The following KLK4 variants were observed in gnomAD, a reference collection of about 807,000 sequenced individuals.
KLK4 encodes kallikrein-4.
KLK4 carries 24 observed loss-of-function variants against 24.3 expected under a neutral mutation model. The observed-to-expected ratio is 0.99, with a 90% CI of 0.72 to 1.39. The LOEUF is 1.39. Ranked by LOEUF, KLK4 falls within the 40% of genes most tolerant of loss-of-function variation. The pLI, the probability that KLK4 is intolerant of heterozygous loss-of-function variation, is 0.00. For synonymous variants in KLK4, 142 were observed against 138.8 expected (o/e 1.02, Z -0.16); for missense variants, 344 against 327.4 (o/e 1.05, Z -0.39).
chr19:50,909,139 C>A, intron 3 of KLK4, 113 bp downstream of exon 3: 2 of 1,589,960 alleles, frequency 1.3e-6, no homozygotes, highest in Non-Finnish European at 1.7e-6. Flanking sequence ...CTCATTCCGT[C>A]CTCCTCCCAG....
At chr19:50,906,697 CTGGG>C in exon 6 of KLK4, 1 of 265,572 alleles carries the variant, frequency 3.8e-6, no homozygotes, top group Non-Finnish European at 6.8e-6. Context: ...GTCTGGACTC[CTGGG>C]TCTGAGGGAG....
At chr19:50,908,158 T>G in intron 5 of KLK4, 1 of 665,936 alleles carries the variant, frequency 1.5e-6, no homozygotes, top group Non-Finnish European at 2.6e-6. Context: ...CCTCCCCATG[T>G]CTGTTTCTGT....
intron 5 of KLK4, 59 bp downstream of exon 5, chr19:50,908,300 T>C: frequency 6.2e-7 from 1 of 1,600,744 alleles, no homozygotes; most frequent in Non-Finnish European, 8.5e-7. Flanking sequence ...TGTGTGTCTC[T>C]GTCTCCCCCT....
exon 6 of KLK4, chr19:50,906,681 TGGGGGGTCTGG>T: frequency 1.4e-5 from 3 of 219,738 alleles, no homozygotes; most frequent in Admixed American, 8.4e-5. Flanking sequence ...GAGGAGGGGC[TGGGGGGTCTGG>T]ACTCCTGGGT....
At chr19:50,908,420 G>A in exon 5 of KLK4, 11 of 1,614,098 alleles carry the variant, frequency 6.8e-6, no homozygotes, top group South Asian at 1.1e-5. Flanking sequence ...GTGGTACAGC[G>A]GGTCATAGAG....
At chr19:50,906,550 G>T in exon 6 of KLK4, 1 of 304,084 alleles carries the variant, frequency 3.3e-6, no homozygotes, top group Non-Finnish European at 6.2e-6. Context: ...TGGGGGCCTG[G>T]ACCTCTGAGT....
intron 4 of KLK4, 24 bp downstream of exon 4, chr19:50,908,555 G>T (rs756356003): frequency 5.6e-6 from 9 of 1,614,028 alleles, no homozygotes; most frequent in Non-Finnish European, 7.6e-6. Flanking sequence ...CTTGAAGAGG[G>T]CAGACACACA....
chr19:50,910,336 C>G lies in KLK4; in HGVS notation c.61+342G>C, dbSNP rs1221354618. Reference sequence around the variant, plus strand: ...GGACTGAAGACCCAGGAAGCAGGCACAGATTCCCAGCAATGGATCACGCCC... The same window carrying G: ...GGACTGAAGACCCAGGAAGCAGGCAGAGATTCCCAGCAATGGATCACGCCC... On this transcript the variant is annotated intron_variant, in intron 2 of 5. Coordinates refer to ENST00000324041, the Ensembl canonical transcript of KLK4. The surrounding 1 kb of genome is among the most constrained non-coding windows in gnomAD (Gnocchi z 4.4). Among the ~76,000 whole-genome samples the G allele has an allele frequency of 6.6e-6, 1 of 152,018 alleles. No homozygotes were observed. The highest frequency in any genetic ancestry group is 1.9e-4 in the East Asian group (1 of 5,194).
intron 5 of KLK4, chr19:50,907,854 A>G (rs1006165179): frequency 8.1e-6 from 2 of 247,258 alleles, no homozygotes; most frequent in East Asian, 2.1e-4. Flanking sequence ...TTTTCAATAA[A>G]CACATTAGAA....
Position 50,908,284 on chromosome 19 carries a change from CG to C in KLK4, c.612+74del, listed in dbSNP as rs74615703. On this transcript the variant is annotated intron_variant, in intron 5 of 5. Transcript: ENST00000324041. ...CTCTCCATCTCTGCATCTCGCCATG[CG>C]GCCCTGTGTGTCTCTGTCTCCCCCT... 8,360 of 1,561,552 alleles carry C rather than the reference CG, an allele frequency of 5.4e-3. 306 individuals carry two copies. In the East Asian group the frequency reaches 0.087, roughly 16 times the overall value.
intron 3 of KLK4, 31 bp from the exon 4 acceptor site, chr19:50,908,860 T>C (rs373061928): frequency 1.0e-5 from 16 of 1,606,716 alleles, no homozygotes; most frequent in African/African-American, 1.3e-5. Context: ...GTCAGTTTTG[T>C]GGCAACTACA....
Position 50,906,763 on chromosome 19 carries a change from C to T in KLK4, c.*171G>A. 6.2e-6 allele frequency: 4 copies of T among 645,120 alleles called. No individual in the cohort carries two copies. The South Asian group carries it at 6.5e-5, about 10-fold the overall frequency. 40.0% of individuals were successfully genotyped at this position (645,120 alleles called of 1,614,324 possible). ...GAGGAGGGGCTGGGGGGTCTGGACT[C>T]CTGGGTCTGAGGGAGGAGGGGCTGG... On this transcript the variant is annotated 3_prime_UTR_variant, in exon 6 of 6. Coordinates refer to ENST00000324041, the Ensembl canonical transcript of KLK4.
intron 5 of KLK4, chr19:50,908,156 T>C: frequency 3.1e-6 from 2 of 650,858 alleles, no homozygotes; most frequent in Non-Finnish European, 5.3e-6. Context: ...TGCCTCCCCA[T>C]GTCTGTTTCT....
exon 4 of KLK4, chr19:50,908,657 G>A (rs1309463528): frequency 1.9e-6 from 3 of 1,614,204 alleles, no homozygotes; most frequent in South Asian, 1.1e-5. Context: ...CTGATGCTCC[G>A]GATGGTGTCA....
Position 50,910,583 on chromosome 19 carries a change from G to T in KLK4, c.61+95C>A. On this transcript the variant is annotated intron_variant, in intron 2 of 5. Transcript: ENST00000324041. This position sits in a 1 kb window ranked among gnomAD's most constrained non-coding sequence, Gnocchi z 4.4. ...ACGGTACCGTCTCACAGGCAGCTTT[G>T]CAGTCACAAGCAAGAGGACACTGAG... is the stretch of plus-strand genomic sequence containing the variant. 2.6e-6 allele frequency: 3 copies of T among 1,138,784 alleles called. No homozygotes were observed. Among genetic ancestry groups the T allele is most frequent in the Non-Finnish European group, 3.9e-6 (3 of 770,444 alleles). 70.5% of individuals were successfully genotyped at this position (1,138,784 alleles called of 1,614,324 possible). A position where few individuals can be genotyped will look rare whatever the true frequency, so the allele number is the denominator to read the frequency against.
chr19:50,908,743 C>T (rs182706497), exon 4 of KLK4: 87 of 1,614,180 alleles, frequency 5.4e-5, no homozygotes, highest in Non-Finnish European at 6.8e-5. Context: ...CTCTGGGTGC[C>T]GTACGGAGAG....
chr19:50,908,744 G>A, exon 4 of KLK4: 2 of 1,614,192 alleles, frequency 1.2e-6, no homozygotes, highest in Non-Finnish European at 1.7e-6. Flanking sequence ...TCTGGGTGCC[G>A]TACGGAGAGG....
Position 50,910,653 on chromosome 19 carries a change from GAC to G in KLK4, c.61+23_61+24del, listed in dbSNP as rs752010215. 2.6e-6 allele frequency: 4 copies of G among 1,549,496 alleles called. No individual in the cohort carries two copies. The highest frequency in any genetic ancestry group is 1.2e-5 in the South Asian group (1 of 84,050). ...AACACTGTGCCCCCAAGCACGGACA[GAC>G]ACACACACGCATACTCAGATACCTG... On this transcript the variant is annotated intron_variant, in intron 2 of 5. Transcript: ENST00000324041. This position sits in a 1 kb window ranked among gnomAD's most constrained non-coding sequence, Gnocchi z 4.4.
At chr19:50,909,678 C>A (rs898868719) in intron 2 of KLK4, among the ~76,000 whole-genome samples, 2 of 150,224 alleles carry the variant, frequency 1.3e-5, no homozygotes, top group African/African-American at 4.9e-5. Flanking sequence ...AGGGGGCGGA[C>A]CCAGGGCTCC....
Sources: gnomAD v4.1 joint callset for allele counts (sites outside exome capture counted in the v4.1 genomes callset) on GRCh38, gnomAD v4.1.1 for gene constraint, Gnocchi (gnomAD v3.1) non-coding constraint, MANE v1.5 for transcripts, NCBI Gene and HGNC (gene_info 2026-07-23, HGNC 2026-07-21) for gene names.